The following SLC44A4 variants were observed in gnomAD, a reference collection of about 807,000 sequenced individuals.
SLC44A4 encodes choline transporter-like protein 4.
In SLC44A4, 74 loss-of-function variants were observed where a neutral mutation model predicts 97.0. That is an observed-to-expected ratio of 0.76 (90% CI 0.63 to 0.93). SLC44A4 has a LOEUF of 0.93. Ranked by LOEUF, SLC44A4 falls within the 40% of genes least tolerant of loss-of-function variation. The probability of loss-of-function intolerance (pLI) is 0.00; values close to 1 mark genes in which losing one functional copy is unlikely to be tolerated. For synonymous variants in SLC44A4, 325 were observed against 363.8 expected (o/e 0.89, Z 1.21); for missense variants, 799 against 902.9 (o/e 0.88, Z 1.48).
Position 31,865,220 on chromosome 6 carries a change from G to T in SLC44A4, c.1760+95C>A. ...TGGCAAGAGCAGAGCACTAAACTAAGTCTAGGGCCCGACTGAGCACAGCAC... is the reference window on the plus strand; with the variant it reads ...TGGCAAGAGCAGAGCACTAAACTAATTCTAGGGCCCGACTGAGCACAGCAC... On this transcript the variant is annotated intron_variant, in intron 17 of 20. Coordinates refer to ENST00000229729, the MANE Select transcript of SLC44A4 (RefSeq NM_025257.3). The surrounding 1 kb of genome is among the most constrained non-coding windows in gnomAD (Gnocchi z 5.2). 6.5e-7 allele frequency: 1 copy of T among 1,544,554 alleles called. No homozygotes were observed. The highest frequency in any genetic ancestry group is 1.7e-5 in the Admixed American group (1 of 59,906).
intron 12 of SLC44A4, 42 bp from the exon 13 acceptor site, chr6:31,869,299 A>C: frequency 1.4e-6 from 2 of 1,480,048 alleles, no homozygotes; most frequent in African/African-American, 1.4e-5. Context: ...CGAGGTCTCC[A>C]CAGGTCACTC....
Position 31,874,337 on chromosome 6 carries a change from G to T in SLC44A4, c.529+123C>A. On this transcript the variant is annotated intron_variant, in intron 7 of 20. Coordinates refer to ENST00000229729, the MANE Select transcript of SLC44A4 (RefSeq NM_025257.3). The surrounding 1 kb of genome is among the most constrained non-coding windows in gnomAD (Gnocchi z 4.8). Reference sequence around the variant, plus strand: ...ACAAAGAGCAAAATGAAGACCTGATGCTAATTCCAATTTTGCCACCAACAA... The same window carrying T: ...ACAAAGAGCAAAATGAAGACCTGATTCTAATTCCAATTTTGCCACCAACAA... 9.6e-7 allele frequency: 1 copy of T among 1,043,442 alleles called. No individual in the cohort carries two copies. The allele number at this position is 1,043,442 out of a possible 1,614,324, so 64.6% of individuals were successfully genotyped here. A position where few individuals can be genotyped will look rare whatever the true frequency, so the allele number is the denominator to read the frequency against.
chr6:31,871,344 T>A lies in SLC44A4; in HGVS notation c.671A>T (p.Asp224Val). The change falls in exon 9 of 21, where the codon GAT becomes GTT. Residue 224 changes from aspartate (D) to valine (V), a missense_variant. Physicochemically the swap from Asp to Val is radical, Grantham distance 152. This residue lies in a region of SLC44A4 where 409 missense variants were observed against 434.1 expected (regional missense o/e 0.94). Coordinates refer to ENST00000229729, the MANE Select transcript of SLC44A4 (RefSeq NM_025257.3). ...AATCCAATACCAGGACTGGGCAAAA[T>A]CTTCAAAGATCTTAACACTGATGTC... The part of the protein sequence containing the change: ...ARDISVKIFE[D>V]FAQSWYWILV... 1.2e-6 allele frequency: 2 copies of A among 1,613,976 alleles called. No homozygotes were observed. The highest frequency in any genetic ancestry group is 1.7e-6 in the Non-Finnish European group (2 of 1,180,000).
chr6:31,875,010 C>T lies in SLC44A4; in HGVS notation c.261G>A (p.Leu87=), dbSNP rs775984459. The T allele has an allele frequency of 3.7e-5, 59 of 1,612,450 alleles. No individual in the cohort carries two copies. In the East Asian group the frequency reaches 1.2e-3, roughly 33 times the overall value. The part of the protein sequence containing the change: ...MGENKDKPYL[L]YFNIFSCILS... ...GGATGCAGCTGAAGATGTTGAAGTA[C>T]AGGAGATACGGCTTATCTCTGTGGG... is the stretch of plus-strand genomic sequence containing the variant. Residue 87 remains leucine, a synonymous_variant, in exon 5 of 21, where the codon CTG becomes CTA. Transcript: ENST00000229729.
In SLC44A4 at chr6:31,865,916, T is replaced by C; in HGVS notation, c.1444A>G (p.Ile482Val). ...FYWAFHKPQD[I>V]PTFPLISAFI... ...GCAGAGATTAAGGGGAAGGTAGGGATGTCCTGGGGCTTGTGGAAGGCCCAG... is the reference window on the plus strand; with the variant it reads ...GCAGAGATTAAGGGGAAGGTAGGGACGTCCTGGGGCTTGTGGAAGGCCCAG... Residue 482 changes from isoleucine to valine, a missense_variant, in exon 14 of 21, where the codon ATC (isoleucine) becomes GTC (valine). Ile to Val is a conservative substitution (Grantham distance 29). Coordinates refer to ENST00000229729, the MANE Select transcript of SLC44A4 (RefSeq NM_025257.3). The surrounding 1 kb of genome is among the most constrained non-coding windows in gnomAD (Gnocchi z 5.2). The C allele has an allele frequency of 6.2e-7, 1 of 1,614,158 alleles. No individual in the cohort carries two copies. Among genetic ancestry groups the C allele is most frequent in the South Asian group, 1.1e-5 (1 of 91,082 alleles).
Position 31,877,489 on chromosome 6 carries a change from A to G in SLC44A4, c.41-407T>C, listed in dbSNP as rs938265072. The G allele has an allele frequency of 1.7e-6, 1 of 577,174 alleles. No homozygotes were observed. The highest frequency in any genetic ancestry group is 2.3e-6 in the Non-Finnish European group (1 of 439,644). 35.8% of individuals were successfully genotyped at this position (577,174 alleles called of 1,614,324 possible). A position where few individuals can be genotyped will look rare whatever the true frequency, so the allele number is the denominator to read the frequency against. ...CCTGCCTCCTCCCTAATCCCTCCCCAGGGACCACACAGACCCACAGCCCCT... is the reference window on the plus strand; with the variant it reads ...CCTGCCTCCTCCCTAATCCCTCCCCGGGGACCACACAGACCCACAGCCCCT... On this transcript the variant is annotated intron_variant, in intron 1 of 20. Coordinates refer to ENST00000229729, the MANE Select transcript of SLC44A4 (RefSeq NM_025257.3). This position sits in a 1 kb window ranked among gnomAD's most constrained non-coding sequence, Gnocchi z 6.5.
intron 11 of SLC44A4, among the ~76,000 whole-genome samples, chr6:31,869,984 CAAA>C (rs35993960): frequency 4.1e-4 from 58 of 142,666 alleles, no homozygotes; most frequent in African/African-American, 7.4e-4. Flanking sequence ...GACTCCGTCT[CAAA>C]AAAAAAAAAA....
rs1389790299 is a variant in SLC44A4, at chr6:31,877,638, G to A, written c.41-556C>T. The A allele has an allele frequency of 3.0e-6, 3 of 986,822 alleles. No homozygotes were observed. The highest frequency in any genetic ancestry group is 3.6e-6 in the Non-Finnish European group (3 of 830,868). 61.1% of individuals were successfully genotyped at this position (986,822 alleles called of 1,614,324 possible). ...CCAGCAGGGCCTGGGGAGGGAAGCG[G>A]CCCTGTACATCCTCACTCTGGTGGG... On this transcript the variant is annotated intron_variant, in intron 1 of 20. Transcript: ENST00000229729. The surrounding 1 kb of genome is among the most constrained non-coding windows in gnomAD (Gnocchi z 6.5).
In SLC44A4 at chr6:31,865,475, G is replaced by C; in HGVS notation, c.1686+23C>G. On this transcript the variant is annotated intron_variant, in intron 16 of 20. Transcript: ENST00000229729. This position sits in a 1 kb window ranked among gnomAD's most constrained non-coding sequence, Gnocchi z 5.2. ...CTAGACCAAAGGGCACCAGAACAAA[G>C]GGTTGCTTGCAGTGTAGCTCACCAT... 6.2e-7 allele frequency: 1 copy of C among 1,612,558 alleles called. No individual in the cohort carries two copies.
chr6:31,873,810 C>T (rs547505981), intron 7 of SLC44A4, among the ~76,000 whole-genome samples: 50 of 151,936 alleles, frequency 3.3e-4, no homozygotes, highest in African/African-American at 1.0e-3. Context: ...CGTGGTGGCT[C>T]ATGTCTGTAA....
rs1162773739 is a variant in SLC44A4, at chr6:31,874,570, A to C, written c.469-50T>G. The C allele has an allele frequency of 1.9e-6, 3 of 1,595,754 alleles. No homozygotes were observed. The highest frequency in any genetic ancestry group is 2.6e-6 in the Non-Finnish European group (3 of 1,170,428). ...CACACAGACACAGAGCAGGATGAAGAAGCAGGTCCCCTCACCACCACCATG... is the reference window on the plus strand; with the variant it reads ...CACACAGACACAGAGCAGGATGAAGCAGCAGGTCCCCTCACCACCACCATG... On this transcript the variant is annotated intron_variant, in intron 6 of 20. Transcript: ENST00000229729. The surrounding 1 kb of genome is among the most constrained non-coding windows in gnomAD (Gnocchi z 4.8).
At position 31,874,926 on chromosome 6, in the gene SLC44A4, G is replaced by A; in HGVS notation, c.342+3C>T. The A allele has an allele frequency of 1.9e-6, 3 of 1,613,560 alleles. No individual in the cohort carries two copies. The highest frequency in any genetic ancestry group is 1.7e-6 in the Non-Finnish European group (2 of 1,179,642). ...GGGGTAGAGGCAGGTCCCAGGCTCT[G>A]ACCTGGGGTGTGGGGCACTGTAGGC... On this transcript the variant is annotated splice_donor_region_variant and intron_variant, in intron 5 of 20. Transcript: ENST00000229729. This position sits in a 1 kb window ranked among gnomAD's most constrained non-coding sequence, Gnocchi z 4.8.
rs1763026312 is a variant in SLC44A4, at chr6:31,869,336, C to CT, written c.1131-80dup. The CT allele has an allele frequency of 6.9e-6, 8 of 1,167,208 alleles. No homozygotes were observed. In the Admixed American group the frequency reaches 1.8e-4, roughly 26 times the overall value. 72.3% of individuals were successfully genotyped at this position (1,167,208 alleles called of 1,614,324 possible). On this transcript the variant is annotated intron_variant, in intron 12 of 20. Transcript: ENST00000229729. ...CTCCTTAGGGACCTGTTCCTAGGTGCTTGTGCAGATCGTTTGCTGCACAGA... is the reference window on the plus strand; with the variant it reads ...CTCCTTAGGGACCTGTTCCTAGGTGCTTTGTGCAGATCGTTTGCTGCACAGA...
Position 31,868,109 on chromosome 6 carries a change from G to A in SLC44A4, c.1233+1046C>T, listed in dbSNP as rs750712007. Among the ~76,000 whole-genome samples the A allele has an allele frequency of 5.9e-5, 9 of 152,166 alleles. No individual in the cohort carries two copies. The South Asian group carries it at 8.3e-4, about 14-fold the overall frequency. On this transcript the variant is annotated intron_variant, in intron 13 of 20. Coordinates refer to ENST00000229729, the MANE Select transcript of SLC44A4 (RefSeq NM_025257.3). The stretch of plus-strand genomic sequence containing the variant: ...TGGGATTACAGGCATGAGCCACCGC[G>A]CCTGCCAAACCTCCCCTTTTTAATA...
intron 13 of SLC44A4, among the ~76,000 whole-genome samples, chr6:31,868,070 G>A (rs1250351917): frequency 6.6e-6 from 1 of 152,112 alleles, no homozygotes; most frequent in African/African-American, 2.4e-5. Flanking sequence ...TGCCCACCTC[G>A]GCCTCCTAAG....
intron 13 of SLC44A4, among the ~76,000 whole-genome samples, chr6:31,867,935 A>G (rs1329061084): frequency 2.0e-5 from 3 of 150,608 alleles, no homozygotes; most frequent in African/African-American, 7.4e-5. Flanking sequence ...CTCCTGCCTC[A>G]GCCTCCTGAG....
chr6:31,873,275 C>T (rs1763272911), intron 7 of SLC44A4, among the ~76,000 whole-genome samples: 2 of 149,206 alleles, frequency 1.3e-5, no homozygotes, highest in African/African-American at 5.0e-5. Context: ...CTCTGCCACC[C>T]GGGTTCAAGC....
rs187559105 is a variant in SLC44A4 at position 31,869,723 on chromosome 6, C to T, written c.1038-86G>A. On this transcript the variant is annotated intron_variant, in intron 11 of 20. Transcript: ENST00000229729. ...GACCCCGGCCGGGCGCAGTGGCTCACGCCTGTAATCCCAGCACTTTGGGAG... is the reference window on the plus strand; with the variant it reads ...GACCCCGGCCGGGCGCAGTGGCTCATGCCTGTAATCCCAGCACTTTGGGAG... The T allele has an allele frequency of 1.3e-3, 1,285 of 991,398 alleles. 6 individuals carry two copies. In the Admixed American group the frequency reaches 0.015, roughly 11 times the overall value. 61.4% of individuals were successfully genotyped at this position (991,398 alleles called of 1,614,324 possible).
chr6:31,876,199 G>A lies in SLC44A4; in HGVS notation c.90-70C>T. 9 of 1,291,746 alleles carry A rather than the reference G, an allele frequency of 7.0e-6. No homozygotes were observed. Among genetic ancestry groups the A allele is most frequent in the Non-Finnish European group, 8.7e-6 (8 of 917,428 alleles). The allele number at this position is 1,291,746 out of a possible 1,614,324, so 80.0% of individuals were successfully genotyped here. A position where few individuals can be genotyped will look rare whatever the true frequency, so the allele number is the denominator to read the frequency against. ...GAGGTAGGGCTTATGGTCTGGAGGG[G>A]TTAAGGGTTAGAGAGTTGGGTGATG... On this transcript the variant is annotated intron_variant, in intron 2 of 20. Transcript: ENST00000229729. This position sits in a 1 kb window ranked among gnomAD's most constrained non-coding sequence, Gnocchi z 4.8.
Sources: gnomAD v4.1 joint callset for allele counts (sites outside exome capture counted in the v4.1 genomes callset) on GRCh38, gnomAD v4.1.1 for gene constraint, gnomAD v4.1.1 regional missense constraint, Gnocchi (gnomAD v3.1) non-coding constraint, MANE v1.5 for transcripts, NCBI Gene and HGNC (gene_info 2026-07-23, HGNC 2026-07-21) for gene names.